RBFOX1: variants seen among roughly 807,000 people sequenced by gnomAD.
The protein encoded by RBFOX1 is RNA binding fox-1 homolog 1.
RBFOX1 carries 8 observed loss-of-function variants against 57.7 expected under a neutral mutation model. That is an observed-to-expected ratio of 0.14 (90% CI 0.08 to 0.25). RBFOX1 has a LOEUF of 0.25. Ranked by LOEUF, RBFOX1 falls within the 10% of genes least tolerant of loss-of-function variation. The pLI is 1.00. For missense variants in RBFOX1, 611 were observed against 548.5 expected, an observed-to-expected ratio of 1.11 and a Z score of -1.14; for synonymous variants, 326 against 222.4, an observed-to-expected ratio of 1.47 and a Z score of -4.15.
chr16:5,278,613 T>C (rs1242704143), intron 1 of RBFOX1, among the ~76,000 whole-genome samples: 1 of 152,206 alleles, frequency 6.6e-6, no homozygotes, highest in Non-Finnish European at 1.5e-5. Flanking sequence ...TAGTTTAATA[T>C]AATCCCATTT....
At chr16:7,049,414 G>C (rs74685994) in intron 3 of RBFOX1, among the ~76,000 whole-genome samples, 3,893 of 152,110 alleles carry the variant, frequency 0.026, 80 homozygotes, top group Middle Eastern at 0.044. Context: ...AGATTGCCTG[G>C]AGACTGCAGC....
At chr16:6,856,711 A>G (rs892850629) in intron 3 of RBFOX1, among the ~76,000 whole-genome samples, 1 of 152,172 alleles carries the variant, frequency 6.6e-6, no homozygotes, top group Non-Finnish European at 1.5e-5. Context: ...TAAAGTGGTT[A>G]TCTCAATCAC....
chr16:7,706,686 C>G (rs896700944), intron 14 of RBFOX1, among the ~76,000 whole-genome samples: 1 of 152,196 alleles, frequency 6.6e-6, no homozygotes, highest in Admixed American at 6.5e-5. Flanking sequence ...CTCTGCACTT[C>G]ATATCCTATT....
At chr16:6,657,890 A>G (rs977092822) in intron 3 of RBFOX1, among the ~76,000 whole-genome samples, 5 of 151,996 alleles carry the variant, frequency 3.3e-5, no homozygotes, top group South Asian at 2.1e-4. Context: ...ATAGGATGTG[A>G]TGGCTTCTCA....
intron 3 of RBFOX1, among the ~76,000 whole-genome samples, chr16:6,996,858 C>A (rs535870953): frequency 1.3e-5 from 2 of 152,020 alleles, no homozygotes; most frequent in Non-Finnish European, 1.5e-5. Context: ...GACACAGAGG[C>A]TGAAAGAATA....
chr16:5,899,084 G>A (rs1269187172), intron 4 of RBFOX1, among the ~76,000 whole-genome samples: 1 of 138,576 alleles, frequency 7.2e-6, no homozygotes, highest in African/African-American at 2.8e-5. Flanking sequence ...CAGATCACAA[G>A]CCCTTCTCAG....
intron 3 of RBFOX1, among the ~76,000 whole-genome samples, chr16:6,984,412 G>C (rs774927033): frequency 6.6e-6 from 1 of 152,096 alleles, no homozygotes. Context: ...ACCAGCCTAG[G>C]GGTATCTCCA....
At chr16:7,672,475 G>C (rs531161328) in intron 13 of RBFOX1, among the ~76,000 whole-genome samples, 169 of 152,262 alleles carry the variant, frequency 1.1e-3, no homozygotes, top group African/African-American at 4.0e-3. Context: ...GAGGTACTTT[G>C]ACCTAGTAAA....
chr16:6,181,421 T>A (rs1020143828), intron 1 of RBFOX1, among the ~76,000 whole-genome samples: 1 of 152,198 alleles, frequency 6.6e-6, no homozygotes, highest in South Asian at 2.1e-4. Flanking sequence ...CTTTGGTTGA[T>A]TTTTAGAGTG....
chr16:5,500,654 C>G (rs2043162043), intron 2 of RBFOX1, among the ~76,000 whole-genome samples: 1 of 152,206 alleles, frequency 6.6e-6, no homozygotes, highest in African/African-American at 2.4e-5. Context: ...ACACCATCCT[C>G]AGCCAGCAGC....
intron 3 of RBFOX1, among the ~76,000 whole-genome samples, chr16:6,786,855 A>T (rs762506911): frequency 6.6e-6 from 1 of 152,072 alleles, no homozygotes; most frequent in Non-Finnish European, 1.5e-5. Flanking sequence ...TGAGGATAGC[A>T]TATTTCAGAC....
At chr16:6,566,119 C>T (rs866068588) in intron 2 of RBFOX1, among the ~76,000 whole-genome samples, 2 of 152,162 alleles carry the variant, frequency 1.3e-5, no homozygotes, top group Non-Finnish European at 2.9e-5. Flanking sequence ...CATCACTGTT[C>T]AAATTTATTA....
intron 1 of RBFOX1, among the ~76,000 whole-genome samples, chr16:6,218,661 C>T (rs1343919105): frequency 1.3e-5 from 2 of 152,152 alleles, no homozygotes; most frequent in African/African-American, 2.4e-5. Context: ...GCTTTTGCTT[C>T]ACCTAGTTCA....
At chr16:7,116,820 A>G (rs1395091277) in intron 4 of RBFOX1, among the ~76,000 whole-genome samples, 1 of 152,178 alleles carries the variant, frequency 6.6e-6, no homozygotes, top group Non-Finnish European at 1.5e-5. Context: ...ATAACAGCAC[A>G]CACAGGACAC....
intron 3 of RBFOX1, among the ~76,000 whole-genome samples, chr16:6,792,379 G>A (rs917123604): frequency 2.1e-4 from 32 of 152,198 alleles, no homozygotes; most frequent in African/African-American, 6.3e-4. Flanking sequence ...ATATCTTTAT[G>A]CAGAATTATG....
At chr16:5,732,365 A>C (rs2052408675) in intron 3 of RBFOX1, among the ~76,000 whole-genome samples, 1 of 152,220 alleles carries the variant, frequency 6.6e-6, no homozygotes, top group Non-Finnish European at 1.5e-5. Flanking sequence ...TGCCGGACTG[A>C]AGATTCTCAG....
In RBFOX1 at chr16:5,799,381, A is replaced by T. The variant is rs549791205; in HGVS notation, c.319-67922A>T. 7.4e-4 allele frequency among the ~76,000 whole-genome samples: 112 copies of T among 152,302 alleles called. 1 individual carries two copies. Among genetic ancestry groups the T allele is most frequent in the Non-Finnish European group, 4.0e-4 (27 of 68,020 alleles). ...AAGGGAGGTTTGTAAAAGCAACCTC[A>T]TTGGTCTGTGGAGAAGATGACTGAA... On this transcript the variant is annotated intron_variant, in intron 3 of 19. Coordinates refer to the RBFOX1 transcript ENST00000641259.
chr16:5,563,707 C>T (rs12928345), intron 2 of RBFOX1, among the ~76,000 whole-genome samples: 54,353 of 151,986 alleles, frequency 0.36, 10,710 homozygotes, highest in East Asian at 0.52. Flanking sequence ...ATATACAATT[C>T]CTCCATTTAA....
At chr16:7,280,499 A>G (rs766260746) in intron 4 of RBFOX1, among the ~76,000 whole-genome samples, 1 of 152,168 alleles carries the variant, frequency 6.6e-6, no homozygotes, top group African/African-American at 2.4e-5. Flanking sequence ...TGCCTCTGCC[A>G]TTAGGTCCTG....
Sources: gnomAD v4.1 joint callset for allele counts (sites outside exome capture counted in the v4.1 genomes callset) on GRCh38, gnomAD v4.1.1 for gene constraint, MANE v1.5 for transcripts, NCBI Gene and HGNC (gene_info 2026-07-23, HGNC 2026-07-21) for gene names.